The following LRIG1 variants were observed in gnomAD, a reference collection of about 807,000 sequenced individuals.
LRIG1 encodes the protein leucine-rich repeats and immunoglobulin-like domains protein 1.
LRIG1 carries 48 observed loss-of-function variants against 99.2 expected under a neutral mutation model. That is an observed-to-expected ratio of 0.48 (90% CI 0.38 to 0.62). The LOEUF (loss-of-function observed/expected upper bound fraction) is 0.62. Ranked by LOEUF, LRIG1 falls within the 20% of genes least tolerant of loss-of-function variation. The pLI, the probability that LRIG1 is intolerant of heterozygous loss-of-function variation, is 0.00. For synonymous variants in LRIG1, 772 were observed against 596.1 expected (o/e 1.29, Z -4.30); for missense variants, 1,646 against 1,434.4 (o/e 1.15, Z -2.38).
chr3:66,500,667 T>G lies in LRIG1; in HGVS notation c.-260A>C. On this transcript the variant is annotated 5_prime_UTR_variant, in exon 1 of 19. Transcript: ENST00000273261. ...CGGCCCGCCCGCGCTAGCTGCGAACTCCGCCGATTCGGGCAAGGTGTACCC... is the reference window on the plus strand; with the variant it reads ...CGGCCCGCCCGCGCTAGCTGCGAACGCCGCCGATTCGGGCAAGGTGTACCC... 1.5e-5 allele frequency: 4 copies of G among 273,634 alleles called. No homozygotes were observed. Among genetic ancestry groups the G allele is most frequent in the Non-Finnish European group, 2.0e-5 (3 of 147,110 alleles). 17.0% of individuals were successfully genotyped at this position (273,634 alleles called of 1,614,324 possible).
At chr3:66,414,193 C>T (rs538211489) in intron 5 of LRIG1, among the ~76,000 whole-genome samples, 57 of 152,120 alleles carry the variant, frequency 3.7e-4, no homozygotes, top group African/African-American at 1.2e-3. Flanking sequence ...GTCAGGAGAT[C>T]GAGACCATCC....
intron 8 of LRIG1, chr3:66,405,720 C>A (rs938866103): frequency 1.4e-5 from 15 of 1,101,062 alleles, no homozygotes; most frequent in Non-Finnish European, 1.6e-5. Flanking sequence ...GAAAGAGACC[C>A]GGCACAGGGC....
intron 4 of LRIG1, among the ~76,000 whole-genome samples, chr3:66,416,725 TAG>T (rs968736987): frequency 1.3e-5 from 2 of 152,222 alleles, no homozygotes; most frequent in Non-Finnish European, 2.9e-5. Context: ...TAAGCCCTGT[TAG>T]ACAGGCTTCC....
At chr3:66,428,581 C>T (rs557419624) in intron 3 of LRIG1, among the ~76,000 whole-genome samples, 179 of 152,316 alleles carry the variant, frequency 1.2e-3, no homozygotes, top group African/African-American at 4.1e-3. Context: ...AATGCCCATA[C>T]AGAACTTGAA....
In LRIG1 at chr3:66,380,020, T is replaced by A; in HGVS notation, c.*243A>T. 1 of 356,448 alleles carries A rather than the reference T, an allele frequency of 2.8e-6. No homozygotes were observed. The highest frequency in any genetic ancestry group is 8.0e-5 in the South Asian group (1 of 12,546). The allele number at this position is 356,448 out of a possible 1,614,324, so 22.1% of individuals were successfully genotyped here. ...AGATTAAAATAGCCTCTGTAAAAGA[T>A]ATATATGAAATCTCTGAAAACTCTT... On this transcript the variant is annotated 3_prime_UTR_variant, in exon 19 of 19. Coordinates refer to ENST00000273261, the MANE Select transcript of LRIG1 (RefSeq NM_015541.3).
chr3:66,431,244 A>G (rs1441393820), intron 3 of LRIG1, among the ~76,000 whole-genome samples: 1 of 152,214 alleles, frequency 6.6e-6, no homozygotes, highest in Non-Finnish European at 1.5e-5. Flanking sequence ...CCTTGAGGGA[A>G]GGAGGTAAGA....
chr3:66,451,973 C>A (rs563511924), intron 2 of LRIG1, among the ~76,000 whole-genome samples: 1 of 152,166 alleles, frequency 6.6e-6, no homozygotes, highest in Non-Finnish European at 1.5e-5. Flanking sequence ...CTAAGACCAT[C>A]GGTGAGAACA....
At chr3:66,443,463 G>A (rs140692700) in intron 3 of LRIG1, among the ~76,000 whole-genome samples, 1 of 152,322 alleles carries the variant, frequency 6.6e-6, no homozygotes, top group East Asian at 1.9e-4. Flanking sequence ...TGTGTTGGCT[G>A]AACATTTAGG....
Position 66,403,019 on chromosome 3 carries a change from G to T in LRIG1, c.1160+2179C>A, listed in dbSNP as rs896773857. Among the ~76,000 whole-genome samples, 7 of 152,128 alleles carry T rather than the reference G, an allele frequency of 4.6e-5. No homozygotes were observed. In the East Asian group the frequency reaches 1.4e-3, roughly 29 times the overall value. On this transcript the variant is annotated intron_variant, in intron 9 of 18. Transcript: ENST00000273261. The stretch of plus-strand genomic sequence containing the variant: ...ATAGCCCTGTGTACCATGATCATAT[G>T]AGAAGCATTTACTTCTCCGGTTCCC...
intron 1 of LRIG1, among the ~76,000 whole-genome samples, chr3:66,488,140 G>A (rs975454168): frequency 1.1e-4 from 17 of 152,122 alleles, no homozygotes; most frequent in Non-Finnish European, 2.1e-4. Context: ...TCGAAGAAAA[G>A]TGGACATCCA....
At position 66,493,020 on chromosome 3, in the gene LRIG1, G is replaced by A. The variant is rs184491919; in HGVS notation, c.218+7170C>T. Among the ~76,000 whole-genome samples, 91 of 152,278 alleles carry A rather than the reference G, an allele frequency of 6.0e-4. 1 individual carries two copies. The highest frequency in any genetic ancestry group is 4.1e-3 in the Admixed American group (62 of 15,294). ...CAAAGTTACTATGCAATTCCAAACA[G>A]ACCAAAACAAATGAAAAATGTTCTT... On this transcript the variant is annotated intron_variant, in intron 1 of 18. Coordinates refer to ENST00000273261, the MANE Select transcript of LRIG1 (RefSeq NM_015541.3).
At chr3:66,496,613 C>T in intron 1 of LRIG1, among the ~76,000 whole-genome samples, 1 of 152,184 alleles carries the variant, frequency 6.6e-6, no homozygotes, top group African/African-American at 2.4e-5. Flanking sequence ...AAAATGCTCC[C>T]TATTCCAAAC....
rs567955888 is a variant in LRIG1, at chr3:66,449,653, G to T, written c.365+1906C>A. Reference sequence around the variant, plus strand: ...AGTGTGGTTCAGAGTCACCTGCCACGCTCCTGCCCCGAGTGCATGGGGTTA... The same window carrying T: ...AGTGTGGTTCAGAGTCACCTGCCACTCTCCTGCCCCGAGTGCATGGGGTTA... On this transcript the variant is annotated intron_variant, in intron 3 of 18. Transcript: ENST00000273261. Among the ~76,000 whole-genome samples the T allele has an allele frequency of 7.9e-5, 12 of 152,318 alleles. No homozygotes were observed. The South Asian group carries it at 2.5e-3, about 32-fold the overall frequency.
chr3:66,382,485 T>TCC, intron 15 of LRIG1, 87 bp from the exon 16 acceptor site: 1 of 1,503,262 alleles, frequency 6.7e-7, no homozygotes, highest in African/African-American at 1.4e-5. Flanking sequence ...AGAAAGGGGA[T>TCC]CCTCCCAGTG....
chr3:66,467,627 C>T (rs901680609), intron 1 of LRIG1, among the ~76,000 whole-genome samples: 1 of 152,200 alleles, frequency 6.6e-6, no homozygotes, highest in South Asian at 2.1e-4. Context: ...TCCCAAAGTG[C>T]TGGGATTACA....
intron 17 of LRIG1, 48 bp downstream of exon 17, chr3:66,381,431 A>C: frequency 6.3e-7 from 1 of 1,588,998 alleles, no homozygotes; most frequent in Non-Finnish European, 8.6e-7. Context: ...GGTCAGCCCA[A>C]ATTTCCATTT....
intron 3 of LRIG1, among the ~76,000 whole-genome samples, chr3:66,434,665 T>C (rs1035110560): frequency 6.6e-6 from 1 of 151,168 alleles, no homozygotes; most frequent in Admixed American, 6.6e-5. Flanking sequence ...AAGAATCACT[T>C]GAACCCAGGA....
rs76725640 is a variant in LRIG1, at chr3:66,469,440, T to C, written c.219-6931A>G. Among the ~76,000 whole-genome samples, 928 of 152,318 alleles carry C rather than the reference T, an allele frequency of 6.1e-3. 3 individuals carry two copies. The highest frequency in any genetic ancestry group is 0.021 in the African/African-American group (868 of 41,566). On this transcript the variant is annotated intron_variant, in intron 1 of 18. Coordinates refer to ENST00000273261, the MANE Select transcript of LRIG1 (RefSeq NM_015541.3). ...ACAGCTATATATGGACCCAGACTCA[T>C]TGCCTATTTTTACTCCTTAAAAATC... is the stretch of plus-strand genomic sequence containing the variant.
chr3:66,382,158 C>G, intron 16 of LRIG1, 115 bp downstream of exon 16: 1 of 1,228,522 alleles, frequency 8.1e-7, no homozygotes. Context: ...TTCTACTTCA[C>G]CAAGTTTGCC....
Sources: gnomAD v4.1 joint callset for allele counts (sites outside exome capture counted in the v4.1 genomes callset) on GRCh38, gnomAD v4.1.1 for gene constraint, MANE v1.5 for transcripts, NCBI Gene and HGNC (gene_info 2026-07-23, HGNC 2026-07-21) for gene names.